The following SPOCK3 variants were observed in gnomAD, a reference collection of about 807,000 sequenced individuals.
SPOCK3 encodes SPARC (osteonectin), cwcv and kazal like domains proteoglycan 3.
In SPOCK3, 30 loss-of-function variants were observed where a neutral mutation model predicts 56.6. The ratio of observed to expected loss-of-function variants is 0.53; its 90% CI spans 0.40 to 0.72. The LOEUF is 0.72. Ranked by LOEUF, SPOCK3 falls within the 30% of genes least tolerant of loss-of-function variation. SPOCK3 has a pLI of 0.00. For synonymous variants in SPOCK3, 196 were observed against 183.3 expected (o/e 1.07, Z -0.56); for missense variants, 527 against 530.0 (o/e 0.99, Z 0.06).
chr4:167,075,175 T>A (rs2058924260), intron 2 of SPOCK3, among the ~76,000 whole-genome samples: 1 of 151,878 alleles, frequency 6.6e-6, no homozygotes, highest in African/African-American at 2.4e-5. Context: ...GTTTTATTTT[T>A]TTTTTCCAAT....
chr4:166,866,672 A>C (rs909234371), intron 6 of SPOCK3, among the ~76,000 whole-genome samples: 11 of 151,896 alleles, frequency 7.2e-5, no homozygotes, highest in African/African-American at 2.4e-4. Context: ...TATAGTATTA[A>C]CTTATGATCA....
intron 6 of SPOCK3, among the ~76,000 whole-genome samples, chr4:166,881,930 A>G (rs1037906533): frequency 4.6e-5 from 7 of 152,202 alleles, no homozygotes; most frequent in Admixed American, 3.3e-4. Flanking sequence ...TCTCCTTATT[A>G]TCGTACATTA....
chr4:166,854,900 C>T (rs996986004), intron 6 of SPOCK3, among the ~76,000 whole-genome samples: 1 of 152,086 alleles, frequency 6.6e-6, no homozygotes, highest in African/African-American at 2.4e-5. Context: ...AGGAGTATTA[C>T]GTTGGGACTC....
intron 2 of SPOCK3, among the ~76,000 whole-genome samples, chr4:167,155,096 A>G (rs1047278502): frequency 1.3e-5 from 2 of 152,022 alleles, no homozygotes; most frequent in Non-Finnish European, 2.9e-5. Context: ...ATGTATCATA[A>G]TTTATTCAAA....
chr4:167,054,680 T>A (rs1384509331), intron 3 of SPOCK3, among the ~76,000 whole-genome samples: 6 of 152,196 alleles, frequency 3.9e-5, no homozygotes, highest in Non-Finnish European at 8.8e-5. Flanking sequence ...AAACATTTTA[T>A]TTCCCCAAAA....
At chr4:166,852,472 A>G (rs1313982621) in intron 6 of SPOCK3, among the ~76,000 whole-genome samples, 3 of 152,180 alleles carry the variant, frequency 2.0e-5, no homozygotes, top group Middle Eastern at 3.4e-3. Flanking sequence ...TAAGAGTTAA[A>G]CAGAAACGAA....
chr4:167,033,513 G>A (rs1184356835), intron 3 of SPOCK3, among the ~76,000 whole-genome samples: 1 of 151,516 alleles, frequency 6.6e-6, no homozygotes, highest in African/African-American at 2.4e-5. Context: ...TTCCTTATCT[G>A]AAGATAGGAA....
At chr4:166,881,128 T>C (rs1733639849) in intron 6 of SPOCK3, among the ~76,000 whole-genome samples, 1 of 152,226 alleles carries the variant, frequency 6.6e-6, no homozygotes, top group South Asian at 2.1e-4. Context: ...GAATAAAATG[T>C]AATACAATTT....
chr4:166,910,535 A>G (rs759277086), intron 5 of SPOCK3, among the ~76,000 whole-genome samples: 7 of 152,182 alleles, frequency 4.6e-5, no homozygotes, highest in Admixed American at 1.3e-4. Flanking sequence ...TTGAATGAGA[A>G]TATGAGAGCT....
chr4:166,999,591 G>A (rs1748743392), intron 4 of SPOCK3, among the ~76,000 whole-genome samples: 1 of 152,050 alleles, frequency 6.6e-6, no homozygotes, highest in African/African-American at 2.4e-5. Context: ...CATTATCAGA[G>A]AAAGAGTATT....
At chr4:167,186,347 G>A (rs1731953560) in intron 2 of SPOCK3, among the ~76,000 whole-genome samples, 2 of 152,054 alleles carry the variant, frequency 1.3e-5, no homozygotes, top group South Asian at 4.1e-4. Flanking sequence ...AAATCTCTAG[G>A]CCGGGCGTGG....
intron 2 of SPOCK3, among the ~76,000 whole-genome samples, chr4:167,109,474 T>C (rs1760688960): frequency 1.9e-5 from 2 of 103,326 alleles, no homozygotes; most frequent in South Asian, 2.7e-4. Context: ...AGTTATAATA[T>C]ATTTATATAA....
At chr4:166,783,959 C>A (rs1740453728) in intron 7 of SPOCK3, among the ~76,000 whole-genome samples, 1 of 151,944 alleles carries the variant, frequency 6.6e-6, no homozygotes, top group East Asian at 1.9e-4. Flanking sequence ...TTAACCTCTT[C>A]ATTGTTTTTT....
intron 2 of SPOCK3, among the ~76,000 whole-genome samples, chr4:167,113,374 T>G (rs1411101711): frequency 3.1e-5 from 3 of 96,080 alleles, no homozygotes; most frequent in Non-Finnish European, 6.6e-5. Flanking sequence ...CTTCTTACAA[T>G]TTTTTTTTTT....
chr4:167,139,537 AAT>A (rs1200727197), intron 2 of SPOCK3, among the ~76,000 whole-genome samples: 1 of 151,994 alleles, frequency 6.6e-6, no homozygotes, highest in African/African-American at 2.4e-5. Flanking sequence ...GGTAATAATT[AAT>A]AGTCAATTTC....
chr4:167,116,690 CATATAGT>C (rs1159459232), intron 2 of SPOCK3, among the ~76,000 whole-genome samples: 113 of 84,732 alleles, frequency 1.3e-3, no homozygotes, highest in Non-Finnish European at 2.0e-3. Flanking sequence ...TATATACACA[CATATAGT>C]ATATATACGT....
In SPOCK3 at chr4:167,205,237, A is replaced by ATATATTATATATTATATATATTATAT. The variant is rs1444678664; in HGVS notation, c.189+28747_189+28748insATATAATATATATAATATATAATATA. On this transcript the variant is annotated intron_variant, in intron 2 of 10. Coordinates refer to ENST00000357545, the MANE Select transcript of SPOCK3 (RefSeq NM_001040159.2). ...ATATTATATATTTTATATCTATAAT[A>ATATATTATATATTATATATATTATAT]CATATTATATATTATATATATTTTA... 2.7e-4 allele frequency among the ~76,000 whole-genome samples: 24 copies of ATATATTATATATTATATATATTATAT among 88,944 alleles called. 2 individuals carry two copies. Among genetic ancestry groups the ATATATTATATATTATATATATTATAT allele is most frequent in the African/African-American group, 1.1e-3 (23 of 21,632 alleles). The allele number at this position is 88,944 out of a possible 152,430, so 58.4% of individuals were successfully genotyped here. A position where few individuals can be genotyped will look rare whatever the true frequency, so the allele number is the denominator to read the frequency against.
intron 5 of SPOCK3, among the ~76,000 whole-genome samples, chr4:166,893,523 A>G (rs560379735): frequency 1.5e-4 from 23 of 152,248 alleles, no homozygotes; most frequent in African/African-American, 4.3e-4. Flanking sequence ...GATCATAAAA[A>G]CAAGACATAT....
At chr4:166,755,119 T>G (rs1736904489) in intron 7 of SPOCK3, among the ~76,000 whole-genome samples, 1 of 152,142 alleles carries the variant, frequency 6.6e-6, no homozygotes, top group Admixed American at 6.6e-5. Flanking sequence ...ATAAAATTTA[T>G]ATTTATTCAC....
Sources: gnomAD v4.1 joint callset for allele counts (sites outside exome capture counted in the v4.1 genomes callset) on GRCh38, gnomAD v4.1.1 for gene constraint, MANE v1.5 for transcripts, NCBI Gene and HGNC (gene_info 2026-07-23, HGNC 2026-07-21) for gene names.